The following PHYHIPL variants were observed in gnomAD, a reference collection of about 807,000 sequenced individuals.
The protein encoded by PHYHIPL is phytanoyl-CoA hydroxylase-interacting protein-like.
In PHYHIPL, 9 loss-of-function variants were observed where a neutral mutation model predicts 33.4. The ratio of observed to expected loss-of-function variants is 0.27; its 90% CI spans 0.16 to 0.47. The LOEUF is 0.47. PHYHIPL is among the 20% of genes least tolerant of loss of function. The pLI is 0.99. For missense variants in PHYHIPL, 365 were observed against 460.7 expected (o/e 0.79, Z 1.90); for synonymous variants, 153 against 154.1 (o/e 0.99, Z 0.05).
Position 59,182,429 on chromosome 10 carries a change from G to A in PHYHIPL, c.106+5470G>A, listed in dbSNP as rs1470608159. Among the ~76,000 whole-genome samples, 6 of 151,996 alleles carry A rather than the reference G, an allele frequency of 3.9e-5. No homozygotes were observed. The South Asian group carries it at 1.0e-3, about 26-fold the overall frequency. Reference sequence around the variant, plus strand: ...GCAGTCTTGGCTCACTGCAACCTCCGCCTTCTGGTTTCACGTGACTCTCCT... The same window carrying A: ...GCAGTCTTGGCTCACTGCAACCTCCACCTTCTGGTTTCACGTGACTCTCCT... On this transcript the variant is annotated intron_variant, in intron 1 of 4. Transcript: ENST00000373880.
chr10:59,206,723 A>G (rs998833426), intron 1 of PHYHIPL: 37 of 1,037,372 alleles, frequency 3.6e-5, no homozygotes, highest in Admixed American at 1.9e-4. Context: ...CATAACTAAA[A>G]GCTGTTATGC....
chr10:59,208,110 C>T (rs533819610), intron 1 of PHYHIPL, among the ~76,000 whole-genome samples: 1 of 152,264 alleles, frequency 6.6e-6, no homozygotes, highest in Admixed American at 6.5e-5. Flanking sequence ...GTCCCTGACC[C>T]CCATGCCTCC....
At chr10:59,173,837 T>A (rs57313926), upstream of PHYHIPL, among the ~76,000 whole-genome samples, 1 of 151,318 alleles carries the variant, frequency 6.6e-6, no homozygotes, top group Admixed American at 6.6e-5. Context: ...ACAGGGATTC[T>A]AGTTTCTTAT....
At chr10:59,215,810 A>G (rs1839597995) in intron 1 of PHYHIPL, among the ~76,000 whole-genome samples, 1 of 147,962 alleles carries the variant, frequency 6.8e-6, no homozygotes, top group African/African-American at 2.5e-5. Flanking sequence ...GTAAAGCATT[A>G]TAAGACAGAC....
intron 1 of PHYHIPL, among the ~76,000 whole-genome samples, chr10:59,216,537 C>G (rs1315466196): frequency 2.0e-5 from 3 of 152,032 alleles, no homozygotes. Flanking sequence ...ATCAATGTGA[C>G]CTTCTTACTT....
At chr10:59,245,035 G>T in intron 4 of PHYHIPL, 22 bp from the exon 5 acceptor site, 2 of 1,584,462 alleles carry the variant, frequency 1.3e-6, no homozygotes, top group South Asian at 2.4e-5. Flanking sequence ...ATTAAGCAGT[G>T]ACCACTTGTT....
chr10:59,181,049 G>A (rs939846844), intron 1 of PHYHIPL, among the ~76,000 whole-genome samples: 7 of 152,144 alleles, frequency 4.6e-5, no homozygotes, highest in Admixed American at 1.3e-4. Context: ...CTTGAAAGCC[G>A]TGTAACCTTA....
chr10:59,247,478 C>T lies in PHYHIPL; in HGVS notation c.*1887C>T, dbSNP rs936908285. ...CTTGTATATAATTAAACTTGCTATT[C>T]CTTCTTAAAAACAGCTAATACTACC... On this transcript the variant is annotated 3_prime_UTR_variant, in exon 5 of 5. Transcript: ENST00000373880. The T allele has an allele frequency of 3.9e-5, 41 of 1,039,790 alleles. No homozygotes were observed. Among genetic ancestry groups the T allele is most frequent in the Non-Finnish European group, 5.6e-5 (39 of 695,180 alleles). 64.4% of individuals were successfully genotyped at this position (1,039,790 alleles called of 1,614,324 possible). A position where few individuals can be genotyped will look rare whatever the true frequency, so the allele number is the denominator to read the frequency against.
intron 1 of PHYHIPL, among the ~76,000 whole-genome samples, chr10:59,210,517 G>A (rs1839412176): frequency 6.6e-6 from 1 of 152,196 alleles, no homozygotes; most frequent in Non-Finnish European, 1.5e-5. Context: ...AGACAGTGTG[G>A]TGATTCCTCA....
intron 1 of PHYHIPL, among the ~76,000 whole-genome samples, chr10:59,181,229 G>A (rs547323112): frequency 3.9e-5 from 6 of 152,190 alleles, no homozygotes; most frequent in South Asian, 2.1e-4. Context: ...TATTGTCCAC[G>A]TAACTTCTTG....
intron 1 of PHYHIPL, among the ~76,000 whole-genome samples, chr10:59,199,155 G>A (rs966725457): frequency 2.9e-4 from 44 of 152,258 alleles, no homozygotes; most frequent in Non-Finnish European, 1.6e-4. Flanking sequence ...GAATGGTATT[G>A]CCTAGGTTTT....
Position 59,236,470 on chromosome 10 carries a change from C to T in PHYHIPL, c.304-13C>T. On this transcript the variant is annotated splice_polypyrimidine_tract_variant and intron_variant, in intron 2 of 4. Coordinates refer to ENST00000373880, the MANE Select transcript of PHYHIPL (RefSeq NM_032439.4). ...CCTCATTTTTCTCTCTCTCTTCCTT[C>T]TTTCATTCCTAGGATGTTCCCACAA... is the stretch of plus-strand genomic sequence containing the variant. 6.6e-7 allele frequency: 1 copy of T among 1,521,244 alleles called. No individual in the cohort carries two copies. The highest frequency in any genetic ancestry group is 1.3e-5 in the South Asian group (1 of 78,992). The allele number at this position is 1,521,244 out of a possible 1,614,324, so 94.2% of individuals were successfully genotyped here.
chr10:59,179,568 C>CAG (rs1328688307), intron 1 of PHYHIPL, among the ~76,000 whole-genome samples: 3 of 152,070 alleles, frequency 2.0e-5, no homozygotes, highest in African/African-American at 7.2e-5. Flanking sequence ...GTTCTCCAAT[C>CAG]AGAGATATTT....
At chr10:59,219,945 A>G (rs558365627) in intron 1 of PHYHIPL, among the ~76,000 whole-genome samples, 35 of 152,264 alleles carry the variant, frequency 2.3e-4, no homozygotes, top group African/African-American at 8.2e-4. Flanking sequence ...AAAGCAGACA[A>G]ATAGAATTAT....
intron 1 of PHYHIPL, among the ~76,000 whole-genome samples, chr10:59,214,916 A>C (rs114495397): frequency 5.3e-5 from 8 of 152,076 alleles, no homozygotes; most frequent in Non-Finnish European, 8.8e-5. Flanking sequence ...ACAAGGATAT[A>C]TACATAGAAC....
At chr10:59,185,429 G>A (rs1161858386) in intron 1 of PHYHIPL, among the ~76,000 whole-genome samples, 1 of 152,162 alleles carries the variant, frequency 6.6e-6, no homozygotes, top group Admixed American at 6.5e-5. Flanking sequence ...AAACATACGT[G>A]TGCATGTGTC....
At chr10:59,238,255 G>A (rs187119819) in intron 3 of PHYHIPL, among the ~76,000 whole-genome samples, 2 of 151,952 alleles carry the variant, frequency 1.3e-5, no homozygotes, top group Non-Finnish European at 2.9e-5. Flanking sequence ...TTTATCAACT[G>A]GTTGAAGAAA....
At chr10:59,235,305 A>G (rs1325761584) in intron 2 of PHYHIPL, among the ~76,000 whole-genome samples, 3 of 151,998 alleles carry the variant, frequency 2.0e-5, no homozygotes, top group Admixed American at 6.6e-5. Context: ...CACATATCAT[A>G]TATCTTTTCT....
At chr10:59,225,714 GA>G (rs56137922) in intron 1 of PHYHIPL, among the ~76,000 whole-genome samples, 30,104 of 151,904 alleles carry the variant, frequency 0.2, 3,766 homozygotes, top group African/African-American at 0.35. Context: ...TCTCTTCACA[GA>G]CTTTAAAGTC....
Sources: gnomAD v4.1 joint callset for allele counts (sites outside exome capture counted in the v4.1 genomes callset) on GRCh38, gnomAD v4.1.1 for gene constraint, MANE v1.5 for transcripts, NCBI Gene and HGNC (gene_info 2026-07-23, HGNC 2026-07-21) for gene names.